NAV2: variants seen among roughly 807,000 people sequenced by gnomAD.
NAV2 encodes the protein neuron navigator 2.
In NAV2, 54 loss-of-function variants were observed where a neutral mutation model predicts 223.2. The ratio of observed to expected loss-of-function variants is 0.24; its 90% CI spans 0.19 to 0.30. The LOEUF is 0.30. NAV2 is among the 10% of genes least tolerant of loss of function. The pLI is 1.00. For missense variants in NAV2, 2,806 were observed against 3,147.5 expected (o/e 0.89, Z 2.60); for synonymous variants, 1,279 against 1,239.3 (o/e 1.03, Z -0.67).
chr11:19,636,548 T>A (rs1490272229), intron 1 of NAV2, among the ~76,000 whole-genome samples: 2 of 150,966 alleles, frequency 1.3e-5, no homozygotes, highest in African/African-American at 4.9e-5. Flanking sequence ...TGGAGTGCAA[T>A]GGCGTGATCT....
chr11:19,807,874 A>T (rs2058658763), intron 1 of NAV2, among the ~76,000 whole-genome samples: 1 of 152,226 alleles, frequency 6.6e-6, no homozygotes, highest in Non-Finnish European at 1.5e-5. Context: ...ATTCCTTGAA[A>T]TTCTGCATTT....
At chr11:19,601,323 C>T (rs2046344335) in intron 1 of NAV2, among the ~76,000 whole-genome samples, 1 of 152,202 alleles carries the variant, frequency 6.6e-6, no homozygotes, top group African/African-American at 2.4e-5. Context: ...TCTGCCTGGT[C>T]CAGTGATCAT....
At chr11:20,020,776 A>G (rs529271940) in intron 11 of NAV2, among the ~76,000 whole-genome samples, 11 of 152,274 alleles carry the variant, frequency 7.2e-5, no homozygotes, top group African/African-American at 2.6e-4. Context: ...TCTCTCCCTC[A>G]GAGTAAAAGA....
At chr11:20,108,876 T>C (rs1252148734) in intron 36 of NAV2, among the ~76,000 whole-genome samples, 3 of 152,242 alleles carry the variant, frequency 2.0e-5, no homozygotes, top group Non-Finnish European at 4.4e-5. Context: ...CTGTAGGCTT[T>C]TAACACTCAC....
intron 1 of NAV2, among the ~76,000 whole-genome samples, chr11:19,442,429 G>T (rs1851438819): frequency 6.6e-6 from 1 of 152,170 alleles, no homozygotes; most frequent in Admixed American, 6.5e-5. Flanking sequence ...TGTGGGTTTG[G>T]AATCACTCAA....
Position 19,461,866 on chromosome 11 carries a change from C to T in NAV2, c.75+110839C>T, listed in dbSNP as rs546894481. On this transcript the variant is annotated intron_variant, in intron 1 of 37. Coordinates refer to the NAV2 transcript ENST00000360655. ...ACTAGACTGTGCTGGAGTGCAGTGG[C>T]GCGATCTCGCCTCACTGCACCCTCC... Among the ~76,000 whole-genome samples, 5 of 152,280 alleles carry T rather than the reference C, an allele frequency of 3.3e-5. No homozygotes were observed. The East Asian group carries it at 5.8e-4, about 18-fold the overall frequency.
At chr11:19,677,422 T>A (rs1046862352) in intron 1 of NAV2, among the ~76,000 whole-genome samples, 6 of 152,224 alleles carry the variant, frequency 3.9e-5, no homozygotes, top group African/African-American at 1.4e-4. Context: ...GCCCAGTGTG[T>A]CCTACTCGGC....
At chr11:20,051,562 A>G (rs1001621632) in intron 17 of NAV2, among the ~76,000 whole-genome samples, 3 of 152,148 alleles carry the variant, frequency 2.0e-5, no homozygotes, top group Non-Finnish European at 4.4e-5. Context: ...TAATGTGGTA[A>G]AACCATCTCA....
chr11:19,932,884 T>C (rs1333230657), intron 6 of NAV2, among the ~76,000 whole-genome samples: 1 of 152,256 alleles, frequency 6.6e-6, no homozygotes, highest in Admixed American at 6.5e-5. Flanking sequence ...CTGCACTGGC[T>C]GTATTAACGG....
Position 19,397,133 on chromosome 11 carries a change from G to A in NAV2, c.75+46106G>A, listed in dbSNP as rs143814334. 2.9e-3 allele frequency among the ~76,000 whole-genome samples: 443 copies of A among 152,294 alleles called. 2 individuals are homozygous for A. Among genetic ancestry groups the A allele is most frequent in the African/African-American group, 1.0e-2 (415 of 41,540 alleles). ...GCATGGCCGGGAGAAAACCCAGAGG[G>A]CTATGGGGACTATTCTTAGCTGCTT... On this transcript the variant is annotated intron_variant, in intron 1 of 37. Transcript: ENST00000360655.
At chr11:19,788,717 T>C (rs1167810734) in intron 1 of NAV2, among the ~76,000 whole-genome samples, 2 of 152,206 alleles carry the variant, frequency 1.3e-5, no homozygotes, top group Non-Finnish European at 2.9e-5. Flanking sequence ...TGCACCATTC[T>C]TCCTCTGGTT....
At chr11:19,478,141 A>G (rs2042173173) in intron 1 of NAV2, among the ~76,000 whole-genome samples, 2 of 152,338 alleles carry the variant, frequency 1.3e-5, no homozygotes, top group Non-Finnish European at 1.5e-5. Flanking sequence ...AGGGTCAATT[A>G]GAGAAAGTGG....
At chr11:19,949,121 G>A (rs202228495) in intron 10 of NAV2, 41 bp downstream of exon 10, 448 of 1,533,848 alleles carry the variant, frequency 2.9e-4, no homozygotes, top group Non-Finnish European at 3.3e-4. Flanking sequence ...AGAGAAAGAG[G>A]GCTTGGCACC....
At chr11:20,054,419 C>T (rs548360329) in intron 18 of NAV2, among the ~76,000 whole-genome samples, 179 bp downstream of exon 18, 1 of 152,224 alleles carries the variant, frequency 6.6e-6, no homozygotes, top group East Asian at 1.9e-4. Context: ...AGTTATCTTA[C>T]ATTTTGAAAT....
At chr11:19,370,945 C>T (rs1426998782) in intron 1 of NAV2, among the ~76,000 whole-genome samples, 1 of 152,170 alleles carries the variant, frequency 6.6e-6, no homozygotes, top group Non-Finnish European at 1.5e-5. Context: ...CCTGAGCTGC[C>T]TGTAGCCTCA....
At chr11:19,790,725 C>T (rs568082595) in intron 1 of NAV2, among the ~76,000 whole-genome samples, 14 of 152,186 alleles carry the variant, frequency 9.2e-5, no homozygotes, top group Admixed American at 5.9e-4. Flanking sequence ...AGTAAATGGT[C>T]ACATCTTTTA....
chr11:20,078,733 C>T (rs531656167), intron 24 of NAV2, among the ~76,000 whole-genome samples: 41 of 152,338 alleles, frequency 2.7e-4, no homozygotes, highest in African/African-American at 7.9e-4. Flanking sequence ...GCTAGGATTA[C>T]GAGCATGAGC....
intron 1 of NAV2, among the ~76,000 whole-genome samples, chr11:19,644,589 C>A (rs1001445671): frequency 2.0e-5 from 3 of 152,214 alleles, no homozygotes; most frequent in Non-Finnish European, 2.9e-5. Context: ...AGCCGTGGAT[C>A]ACAGGGCAGC....
At chr11:19,508,181 G>C (rs115413496) in intron 1 of NAV2, among the ~76,000 whole-genome samples, 1,802 of 152,132 alleles carry the variant, frequency 0.012, 38 homozygotes, top group African/African-American at 0.042. Context: ...CTGTCTCAGG[G>C]GTTCAGCCTT....
Sources: gnomAD v4.1 joint callset for allele counts (sites outside exome capture counted in the v4.1 genomes callset) on GRCh38, gnomAD v4.1.1 for gene constraint, MANE v1.5 for transcripts, NCBI Gene and HGNC (gene_info 2026-07-23, HGNC 2026-07-21) for gene names.